Variants in ZFP1 observed in about 807,000 individuals in gnomAD.
ZFP1 encodes the protein ZFP1 zinc finger protein.
Under a neutral mutation model 38.5 loss-of-function variants are expected in ZFP1, and 32 were observed. That is an observed-to-expected ratio of 0.83 (90% CI 0.63 to 1.12). The LOEUF (loss-of-function observed/expected upper bound fraction) is 1.12, where lower values mean the gene tolerates loss of function less well. ZFP1 is among the 50% of genes most tolerant of loss of function. The pLI is 0.00. For synonymous variants in ZFP1, 245 were observed against 168.8 expected (o/e 1.45, Z -3.50); for missense variants, 616 against 480.8 (o/e 1.28, Z -2.63).
rs764900630 is a variant in ZFP1, at chr16:75,169,868, C to G, written c.758C>G (p.Ser253Ter). 6.2e-7 allele frequency: 1 copy of G among 1,614,150 alleles called. No individual in the cohort carries two copies. The highest frequency in any genetic ancestry group is 1.7e-5 in the Admixed American group (1 of 60,018). Reference protein sequence around the residue: ...PECGKAFTHQSNLIVHQRAHM... With the variant: ...PECGKAFTHQ ...TGTGGAAAAGCTTTCACCCACCAGT[C>G]AAACCTCATTGTACACCAGAGAGCA... Residue 253 changes from serine (S) to a stop codon, truncating the protein, a stop_gained, in exon 4 of 4, where the codon TCA (serine) becomes TGA (stop). Coordinates refer to ENST00000570010, the MANE Select transcript of ZFP1 (RefSeq NM_153688.4). LOFTEE classifies it high-confidence loss of function.
At chr16:75,126,645 C>T in the ZFP1 span, among the ~76,000 whole-genome samples, 7 of 152,202 alleles carry the variant, frequency 4.6e-5, no homozygotes, top group Non-Finnish European at 7.3e-5. Flanking sequence ...TCAGGTGATC[C>T]ACCCACCTTG....
At chr16:75,152,240 C>T (rs1362979318) in intron 1 of ZFP1, among the ~76,000 whole-genome samples, 1 of 152,032 alleles carries the variant, frequency 6.6e-6, no homozygotes, top group Non-Finnish European at 1.5e-5. Flanking sequence ...TTTCTTGGAC[C>T]TGTGGTTTCA....
At chr16:75,138,922 A>G in the ZFP1 span, among the ~76,000 whole-genome samples, 3 of 152,354 alleles carry the variant, frequency 2.0e-5, no homozygotes, top group Admixed American at 2.0e-4. Flanking sequence ...AATTAATGCC[A>G]GATCCTTGCT....
intron 3 of ZFP1, 52 bp downstream of exon 3, chr16:75,166,948 C>CCTGTCT: frequency 6.4e-7 from 1 of 1,572,576 alleles, no homozygotes; most frequent in Non-Finnish European, 8.6e-7. Flanking sequence ...GTATTTATGT[C>CCTGTCT]CTGTCTCAGT....
At chr16:75,132,236 A>G in the ZFP1 span, among the ~76,000 whole-genome samples, 1 of 151,970 alleles carries the variant, frequency 6.6e-6, no homozygotes, top group Non-Finnish European at 1.5e-5. Context: ...AAAGATATAA[A>G]AAATTAGCCA....
At chr16:75,153,055 TA>T in intron 2 of ZFP1, 89 bp downstream of exon 2, 1 of 1,527,610 alleles carries the variant, frequency 6.5e-7, no homozygotes, top group Non-Finnish European at 8.9e-7. Context: ...AAAGTATGAA[TA>T]AGACACAAAG....
chr16:75,170,239 G>A lies in ZFP1; in HGVS notation c.1129G>A (p.Glu377Lys), dbSNP rs763427975. Residue 377 changes from glutamate to lysine, a missense_variant, in exon 4 of 4, where the codon GAG becomes AAG. Glu to Lys is a moderately conservative substitution (Grantham distance 56, BLOSUM62 1). Coordinates refer to ENST00000570010, the MANE Select transcript of ZFP1 (RefSeq NM_153688.4). Reference protein sequence around the residue: ...LRLHLRIHTGEKPYECSECGK... With the variant: ...LRLHLRIHTGKKPYECSECGK... ...ATTACACTTGCGAATCCACACAGGA[G>A]AGAAACCATATGAGTGTTCCGAATG... is the stretch of plus-strand genomic sequence containing the variant. 1.9e-6 allele frequency: 3 copies of A among 1,614,158 alleles called. No homozygotes were observed. The highest frequency in any genetic ancestry group is 1.1e-5 in the South Asian group (1 of 91,074).
upstream of ZFP1, among the ~76,000 whole-genome samples, chr16:75,147,452 A>T (rs910581295): frequency 2.1e-5 from 3 of 140,904 alleles, no homozygotes; most frequent in Non-Finnish European, 3.1e-5. Flanking sequence ...TAATTTTTGT[A>T]TTTTTTTTTT....
chr16:75,122,179 AG>A, the ZFP1 span, among the ~76,000 whole-genome samples: 1 of 152,206 alleles, frequency 6.6e-6, no homozygotes, highest in East Asian at 1.9e-4. Flanking sequence ...TGGACAGGGG[AG>A]GGGCAGGAGT....
intron 2 of ZFP1, among the ~76,000 whole-genome samples, chr16:75,165,634 A>G (rs1376000372): frequency 6.6e-6 from 1 of 151,732 alleles, no homozygotes; most frequent in Non-Finnish European, 1.5e-5. Flanking sequence ...TGATCCGCCC[A>G]CCTCGGCTTC....
At chr16:75,161,776 T>TATATATATATA (rs1225483116) in intron 2 of ZFP1, among the ~76,000 whole-genome samples, 12 of 4,466 alleles carry the variant, frequency 2.7e-3, no homozygotes, top group South Asian at 5.4e-3. Flanking sequence ...ATATATATAT[T>TATATATATATA]TTTTTTTTTT....
chr16:75,136,877 G>T, the ZFP1 span, among the ~76,000 whole-genome samples: 5 of 135,212 alleles, frequency 3.7e-5, no homozygotes, highest in Middle Eastern at 3.2e-3. Flanking sequence ...TCTCAAAAAA[G>T]AAAAGAAAAG....
chr16:75,158,254 C>A (rs1319324399), intron 2 of ZFP1, among the ~76,000 whole-genome samples: 6 of 151,696 alleles, frequency 4.0e-5, no homozygotes, highest in South Asian at 2.1e-4. Context: ...GGGTCTTCCT[C>A]TGTTGCCCAG....
At chr16:75,167,019 C>A in intron 3 of ZFP1, 123 bp downstream of exon 3, 1 of 1,490,116 alleles carries the variant, frequency 6.7e-7, no homozygotes, top group Non-Finnish European at 9.0e-7. Flanking sequence ...GGTATTAAAC[C>A]TGAGAGATCT....
the ZFP1 span, among the ~76,000 whole-genome samples, chr16:75,128,409 C>G: frequency 2.0e-5 from 3 of 152,302 alleles, no homozygotes; most frequent in East Asian, 3.9e-4. Context: ...GTAGTGTATA[C>G]AAATAATTAG....
intron 2 of ZFP1, among the ~76,000 whole-genome samples, chr16:75,163,634 C>T (rs901901518): frequency 2.0e-5 from 3 of 147,440 alleles, no homozygotes; most frequent in Non-Finnish European, 4.5e-5. Context: ...GTTGTTGAGA[C>T]AGGGTCTTGC....
intron 2 of ZFP1, among the ~76,000 whole-genome samples, chr16:75,157,787 T>C (rs1387350345): frequency 2.6e-5 from 4 of 152,034 alleles, no homozygotes; most frequent in Non-Finnish European, 5.9e-5. Flanking sequence ...TACCTACCTC[T>C]TCTGGGTTGG....
the ZFP1 span, among the ~76,000 whole-genome samples, chr16:75,125,685 A>C: frequency 6.6e-6 from 1 of 152,182 alleles, no homozygotes; most frequent in African/African-American, 2.4e-5. Context: ...TTTGGAAAAC[A>C]AATTTAATTG....
chr16:75,158,447 G>C (rs982360495), intron 2 of ZFP1, among the ~76,000 whole-genome samples: 1 of 151,728 alleles, frequency 6.6e-6, no homozygotes, highest in African/African-American at 2.4e-5. Flanking sequence ...GCCTCAAGCA[G>C]TTCTCCCACG....
Sources: allele counts gnomAD v4.1 joint callset (sites outside exome capture counted in the v4.1 genomes callset), GRCh38; gene constraint gnomAD v4.1.1; transcripts MANE v1.5; gene names NCBI Gene and HGNC (gene_info 2026-07-23, HGNC 2026-07-21).